Variants in LDB2 observed in about 807,000 individuals in gnomAD.
LDB2 encodes the protein LIM domain binding 2.
In LDB2, 12 loss-of-function variants were observed where a neutral mutation model predicts 44.3. The ratio of observed to expected loss-of-function variants is 0.27; its 90% confidence interval spans 0.17 to 0.44. LDB2 has a LOEUF of 0.44. Ranked by LOEUF, LDB2 falls within the 20% of genes least tolerant of loss-of-function variation. LDB2 has a pLI of 1.00. For synonymous variants in LDB2, 164 were observed against 174.8 expected (o/e 0.94, Z 0.49); for missense variants, 344 against 473.5 (o/e 0.73, Z 2.54).
At chr4:16,638,011 G>A (rs1453096383) in intron 2 of LDB2, among the ~76,000 whole-genome samples, 6 of 152,150 alleles carry the variant, frequency 3.9e-5, no homozygotes, top group East Asian at 1.9e-4. Flanking sequence ...TTTAAAGCAC[G>A]ATATTAACTG....
intron 1 of LDB2, among the ~76,000 whole-genome samples, chr4:16,875,131 G>A (rs1717971621): frequency 6.6e-6 from 1 of 152,092 alleles, no homozygotes; most frequent in Non-Finnish European, 1.5e-5. Flanking sequence ...AGCAAGGCAG[G>A]CCAGTCTGAG....
At chr4:16,576,974 A>G (rs1423737748) in intron 5 of LDB2, among the ~76,000 whole-genome samples, 1 of 152,228 alleles carries the variant, frequency 6.6e-6, no homozygotes, top group Non-Finnish European at 1.5e-5. Flanking sequence ...AGAATGAAGG[A>G]CGAAAGCCAT....
At chr4:16,538,342 A>C (rs1445760743) in intron 5 of LDB2, among the ~76,000 whole-genome samples, 1 of 152,138 alleles carries the variant, frequency 6.6e-6, no homozygotes, top group African/African-American at 2.4e-5. Context: ...CTGTGCCCAG[A>C]GGCTTCCAAT....
At chr4:16,826,178 T>C (rs1200565787) in intron 1 of LDB2, among the ~76,000 whole-genome samples, 2 of 151,946 alleles carry the variant, frequency 1.3e-5, no homozygotes, top group African/African-American at 4.8e-5. Context: ...CAGAGATAGA[T>C]AGATTAGATA....
At chr4:16,679,283 G>A (rs2152566071) in intron 2 of LDB2, among the ~76,000 whole-genome samples, 1 of 152,146 alleles carries the variant, frequency 6.6e-6, no homozygotes, top group Non-Finnish European at 1.5e-5. Context: ...ATAACAAAAA[G>A]TGAGAGAAGA....
chr4:16,768,197 T>C (rs910655914), intron 1 of LDB2, among the ~76,000 whole-genome samples: 2 of 152,196 alleles, frequency 1.3e-5, no homozygotes, highest in African/African-American at 4.8e-5. Flanking sequence ...AAATGTGTTT[T>C]TTTTTTATTA....
intron 1 of LDB2, chr4:16,888,692 A>G (rs1161317096): frequency 1.8e-5 from 18 of 983,286 alleles, no homozygotes; most frequent in Non-Finnish European, 2.2e-5. Context: ...ATTTGCTGAT[A>G]GAATCCAGAA....
intron 2 of LDB2, among the ~76,000 whole-genome samples, chr4:16,717,500 T>C (rs1022943573): frequency 6.6e-6 from 1 of 152,094 alleles, no homozygotes; most frequent in African/African-American, 2.4e-5. Context: ...TTCCACTAGC[T>C]GAGAAGTTTT....
chr4:16,841,451 T>C (rs749745351), intron 1 of LDB2, among the ~76,000 whole-genome samples: 9 of 152,242 alleles, frequency 5.9e-5, no homozygotes, highest in Non-Finnish European at 1.3e-4. Flanking sequence ...GCATTATATA[T>C]TATATGTGCA....
intron 1 of LDB2, among the ~76,000 whole-genome samples, chr4:16,892,908 C>A (rs908621155): frequency 4.6e-5 from 7 of 151,850 alleles, no homozygotes; most frequent in African/African-American, 1.7e-4. Context: ...TGATAAGAAT[C>A]TGTGTTGAAT....
intron 1 of LDB2, among the ~76,000 whole-genome samples, chr4:16,780,201 G>T (rs933184731): frequency 6.6e-6 from 1 of 152,128 alleles, no homozygotes; most frequent in Non-Finnish European, 1.5e-5. Flanking sequence ...CTACACAGAA[G>T]TGAGATGATT....
chr4:16,537,377 T>G (rs1390384822), intron 5 of LDB2, among the ~76,000 whole-genome samples: 2 of 152,232 alleles, frequency 1.3e-5, no homozygotes, highest in Non-Finnish European at 2.9e-5. Flanking sequence ...GATCTACTGC[T>G]CTCTTGGAAA....
chr4:16,505,881 A>G, intron 7 of LDB2: 5 of 1,551,422 alleles, frequency 3.2e-6, no homozygotes, highest in Non-Finnish European at 4.4e-6. Flanking sequence ...GGGCCCCTCA[A>G]TGCTTCTCCT....
At chr4:16,754,657 A>G (rs1263132105) in intron 2 of LDB2, among the ~76,000 whole-genome samples, 1 of 151,744 alleles carries the variant, frequency 6.6e-6, no homozygotes, top group Non-Finnish European at 1.5e-5. Flanking sequence ...TCAGCCTCCC[A>G]AGTGGCTGGG....
intron 5 of LDB2, among the ~76,000 whole-genome samples, chr4:16,575,818 A>T (rs951017793): frequency 6.6e-6 from 1 of 152,114 alleles, no homozygotes; most frequent in African/African-American, 2.4e-5. Flanking sequence ...GCTCACTGCA[A>T]CCTCCGCCTC....
At chr4:16,795,073 A>C (rs1776472012) in intron 1 of LDB2, among the ~76,000 whole-genome samples, 1 of 152,228 alleles carries the variant, frequency 6.6e-6, no homozygotes, top group African/African-American at 2.4e-5. Flanking sequence ...ATGCTTGAAA[A>C]TAGGATCTCG....
intron 2 of LDB2, among the ~76,000 whole-genome samples, chr4:16,644,429 CTTT>C (rs1182465425): frequency 3.6e-5 from 5 of 139,086 alleles, no homozygotes; most frequent in Admixed American, 1.4e-4. Context: ...ATTTTTTTTT[CTTT>C]TTTTTTTTTT....
At chr4:16,586,994 G>A (rs1193200682) in intron 4 of LDB2, among the ~76,000 whole-genome samples, 1 of 152,106 alleles carries the variant, frequency 6.6e-6, no homozygotes, top group Non-Finnish European at 1.5e-5. Context: ...AATAAAAAAT[G>A]CAGGAGAAAA....
chr4:16,740,378 T>C (rs766491946), intron 2 of LDB2, among the ~76,000 whole-genome samples: 62 of 152,350 alleles, frequency 4.1e-4, no homozygotes, highest in Middle Eastern at 3.4e-3. Flanking sequence ...TGGAGGTTTA[T>C]AGGTGTCTAT....
Sources: allele counts gnomAD v4.1 joint callset (sites outside exome capture counted in the v4.1 genomes callset), GRCh38; gene constraint gnomAD v4.1.1; transcripts MANE v1.5; gene names NCBI Gene and HGNC (gene_info 2026-07-23, HGNC 2026-07-21).